The following MEP1B variants were observed in gnomAD, a reference collection of about 807,000 sequenced individuals.
MEP1B encodes meprin A subunit beta, also known as N-benzoyl-L-tyrosyl-P-amino-benzoic acid hydrolase subunit beta.
A neutral mutation model predicts 84.6 loss-of-function variants in MEP1B; 80 were observed. The observed-to-expected ratio is 0.95, with a 90% CI of 0.79 to 1.14. MEP1B has a LOEUF of 1.14. MEP1B is among the 50% of genes most tolerant of loss of function. MEP1B has a pLI of 0.00. For missense variants in MEP1B, 766 were observed against 855.1 expected, an observed-to-expected ratio of 0.90 and a Z score of 1.30; for synonymous variants, 273 against 288.1, an observed-to-expected ratio of 0.95 and a Z score of 0.53.
chr18:32,204,992 C>A (rs893392269), intron 7 of MEP1B, among the ~76,000 whole-genome samples: 2 of 152,162 alleles, frequency 1.3e-5, no homozygotes, highest in African/African-American at 4.8e-5. Context: ...AACACTGTTG[C>A]ACTGGGGATT....
chr18:32,208,526 G>C (rs565002319), intron 9 of MEP1B, among the ~76,000 whole-genome samples: 33 of 152,278 alleles, frequency 2.2e-4, no homozygotes, highest in African/African-American at 6.3e-4. Flanking sequence ...TCCCATAGGA[G>C]AGTGTACCAG....
At chr18:32,198,675 T>C (rs537031428) in intron 5 of MEP1B, among the ~76,000 whole-genome samples, 1 of 152,152 alleles carries the variant, frequency 6.6e-6, no homozygotes, top group Non-Finnish European at 1.5e-5. Flanking sequence ...GGAACGCAAA[T>C]GGGGAAGGAC....
chr18:32,207,609 C>T, intron 8 of MEP1B, 139 bp downstream of exon 8: 1 of 641,618 alleles, frequency 1.6e-6, no homozygotes. Context: ...AACAGAATAG[C>T]ACTCAGATCT....
chr18:32,196,180 T>C lies in MEP1B; in HGVS notation c.250+695T>C. 1 of 640,848 alleles carries C rather than the reference T, an allele frequency of 1.6e-6. No homozygotes were observed. The highest frequency in any genetic ancestry group is 2.9e-6 in the Non-Finnish European group (1 of 340,554). 39.7% of individuals were successfully genotyped at this position (640,848 alleles called of 1,614,324 possible). On this transcript the variant is annotated intron_variant, in intron 5 of 14. Coordinates refer to ENST00000269202, the MANE Select transcript of MEP1B (RefSeq NM_005925.3). This position sits in a 1 kb window ranked among gnomAD's most constrained non-coding sequence, Gnocchi z 4.4. ...CTGGAGCTGGTGTCACTGCGCCACC[T>C]CGGCTTTCAGACTCTCCAAGTCTTT...
At chr18:32,205,580 C>T (rs2040956655) in intron 7 of MEP1B, among the ~76,000 whole-genome samples, 1 of 152,194 alleles carries the variant, frequency 6.6e-6, no homozygotes, top group South Asian at 2.1e-4. Flanking sequence ...CACAGCCACA[C>T]TCCTTAGGAT....
chr18:32,211,408 AG>A (rs1040529357), intron 10 of MEP1B, among the ~76,000 whole-genome samples: 1 of 152,170 alleles, frequency 6.6e-6, no homozygotes, highest in African/African-American at 2.4e-5. Flanking sequence ...CACTGGCTTG[AG>A]GGGGAATTAT....
intron 6 of MEP1B, 27 bp downstream of exon 6, chr18:32,203,037 G>A (rs1217057351): frequency 1.5e-6 from 2 of 1,360,924 alleles, no homozygotes; most frequent in Non-Finnish European, 2.1e-6. Flanking sequence ...GTCTTCTAAG[G>A]CATCTAAGGA....
At chr18:32,204,463 G>C (rs1468194680) in intron 7 of MEP1B, 103 bp downstream of exon 7, 1 of 962,468 alleles carries the variant, frequency 1.0e-6, no homozygotes, top group African/African-American at 1.6e-5. Context: ...TTAAAACTTT[G>C]ATGTTTTGAT....
intron 14 of MEP1B, 47 bp downstream of exon 14, chr18:32,218,012 C>A: frequency 6.4e-7 from 1 of 1,571,866 alleles, no homozygotes; most frequent in Non-Finnish European, 8.7e-7. Context: ...TTGGTGAAAT[C>A]TTATGGAGAG....
chr18:32,213,564 G>A lies in MEP1B; in HGVS notation c.1579+5G>A, dbSNP rs371606001. ...CAGACCCATTTATGACCACCGGTTC[G>A]TAACTCATTTTCTTTATTGCTAATA... On this transcript the variant is annotated splice_donor_5th_base_variant and intron_variant, in intron 11 of 14. Coordinates refer to ENST00000269202, the MANE Select transcript of MEP1B (RefSeq NM_005925.3). 8.8e-6 allele frequency: 14 copies of A among 1,592,364 alleles called. No homozygotes were observed. The highest frequency in any genetic ancestry group is 8.4e-5 in the Admixed American group (5 of 59,760).
intron 7 of MEP1B, among the ~76,000 whole-genome samples, chr18:32,205,870 G>A (rs1276198402): frequency 6.6e-6 from 1 of 152,150 alleles, no homozygotes; most frequent in Non-Finnish European, 1.5e-5. Flanking sequence ...ACTAAAACAA[G>A]CTACTTAACA....
chr18:32,211,848 A>C (rs1185977125), intron 10 of MEP1B, among the ~76,000 whole-genome samples: 2 of 152,028 alleles, frequency 1.3e-5, no homozygotes, highest in Non-Finnish European at 2.9e-5. Context: ...CCACAATTGG[A>C]TCCATATTAT....
At chr18:32,212,058 C>T (rs1334368880) in intron 10 of MEP1B, among the ~76,000 whole-genome samples, 4 of 147,620 alleles carry the variant, frequency 2.7e-5, no homozygotes, top group Non-Finnish European at 4.5e-5. Flanking sequence ...TTATATATTA[C>T]ATATATAAAA....
At position 32,196,811 on chromosome 18, in the gene MEP1B, C is replaced by T. The variant is rs910180347; in HGVS notation, c.250+1326C>T. On this transcript the variant is annotated intron_variant, in intron 5 of 14. Coordinates refer to ENST00000269202, the MANE Select transcript of MEP1B (RefSeq NM_005925.3). The surrounding 1 kb of genome is among the most constrained non-coding windows in gnomAD (Gnocchi z 4.4). Reference sequence around the variant, plus strand: ...GCTCGATGCCCATCACCCGCACGCTCATCAGCACTGCCTTCTGCTGGCTTC... The same window carrying T: ...GCTCGATGCCCATCACCCGCACGCTTATCAGCACTGCCTTCTGCTGGCTTC... The T allele has an allele frequency of 3.2e-6, 2 of 634,762 alleles. No individual in the cohort carries two copies. The highest frequency in any genetic ancestry group is 3.6e-5 in the African/African-American group (2 of 55,136). 39.3% of individuals were successfully genotyped at this position (634,762 alleles called of 1,614,324 possible).
Position 32,207,369 on chromosome 18 carries a change from C to A in MEP1B, c.665C>A (p.Pro222Gln). The A allele has an allele frequency of 1.2e-6, 2 of 1,613,084 alleles. No individual in the cohort carries two copies. Among genetic ancestry groups the A allele is most frequent in the Non-Finnish European group, 1.7e-6 (2 of 1,179,470 alleles). ...ACTGCATTCCAAAATGGAACAGAGC[C>A]GACAATTGTCACAAGAATCTCAGAC... ...SKTAFQNGTE[P>Q]TIVTRISDFE... The change falls in exon 8 of 15, where the codon CCG (proline) becomes CAG (glutamine). Residue 222 changes from proline to glutamine, a missense_variant. Physicochemically the swap from Pro to Gln is moderately conservative, Grantham distance 76. Coordinates refer to ENST00000269202, the MANE Select transcript of MEP1B (RefSeq NM_005925.3).
At chr18:32,204,811 T>C (rs1275485401) in intron 7 of MEP1B, among the ~76,000 whole-genome samples, 3 of 152,238 alleles carry the variant, frequency 2.0e-5, no homozygotes, top group Admixed American at 6.5e-5. Flanking sequence ...TCACATACCA[T>C]GACAGAGGGC....
chr18:32,191,942 C>T, intron 2 of MEP1B, 102 bp downstream of exon 2: 3 of 704,264 alleles, frequency 4.3e-6, no homozygotes, highest in Non-Finnish European at 7.2e-6. Flanking sequence ...TGCATAATTG[C>T]ATTGAACTTT....
chr18:32,211,055 C>G (rs190316402), intron 10 of MEP1B, among the ~76,000 whole-genome samples: 4 of 152,138 alleles, frequency 2.6e-5, no homozygotes, highest in African/African-American at 9.6e-5. Flanking sequence ...CCTGAGGTCA[C>G]GAGTTTGAGA....
At chr18:32,207,511 G>A in intron 8 of MEP1B, 41 bp downstream of exon 8, 1 of 1,378,678 alleles carries the variant, frequency 7.3e-7, no homozygotes, top group Non-Finnish European at 1.0e-6. Context: ...ATTTTCCGCT[G>A]TTATGTAGGA....
Sources: gnomAD v4.1 joint callset for allele counts (sites outside exome capture counted in the v4.1 genomes callset) on GRCh38, gnomAD v4.1.1 for gene constraint, Gnocchi (gnomAD v3.1) non-coding constraint, MANE v1.5 for transcripts, NCBI Gene and HGNC (gene_info 2026-07-23, HGNC 2026-07-21) for gene names.